MPRIP: variants seen among roughly 807,000 people sequenced by gnomAD.
MPRIP encodes the protein myosin phosphatase Rho interacting protein.
MPRIP carries 59 observed loss-of-function variants against 234.9 expected under a neutral mutation model. The ratio of observed to expected loss-of-function variants is 0.25; its 90% confidence interval spans 0.20 to 0.31. The LOEUF (loss-of-function observed/expected upper bound fraction) is 0.31. MPRIP is among the 10% of genes least tolerant of loss of function. MPRIP has a pLI of 1.00. For missense variants in MPRIP, 2,436 were observed against 3,071.0 expected (o/e 0.79, Z 4.89); for synonymous variants, 1,144 against 1,263.9 (o/e 0.91, Z 2.01).
intron 4 of MPRIP, 87 bp downstream of exon 4, chr17:17,126,940 G>T: frequency 1.3e-6 from 2 of 1,494,946 alleles, no homozygotes; most frequent in Non-Finnish European, 1.8e-6. Flanking sequence ...TGGCAGTGTC[G>T]ATGTTGTCTA....
At chr17:17,093,872 A>G (rs1458785186) in intron 3 of MPRIP, among the ~76,000 whole-genome samples, 1 of 152,210 alleles carries the variant, frequency 6.6e-6, no homozygotes, top group African/African-American at 2.4e-5. Context: ...TACACCACAG[A>G]TAGGATTTAG....
chr17:17,179,065 C>A (rs915468156), intron 22 of MPRIP, among the ~76,000 whole-genome samples: 5 of 152,256 alleles, frequency 3.3e-5, no homozygotes, highest in African/African-American at 7.2e-5. Context: ...CCTGTAATCC[C>A]AGCACTTTGG....
At chr17:17,087,145 C>G (rs2089609195) in intron 3 of MPRIP, among the ~76,000 whole-genome samples, 1 of 152,190 alleles carries the variant, frequency 6.6e-6, no homozygotes, top group South Asian at 2.1e-4. Context: ...GGACCAAAAA[C>G]AGCCAACTCC....
intron 22 of MPRIP, 53 bp from the exon 23 acceptor site, chr17:17,179,950 G>C: frequency 7.0e-7 from 1 of 1,423,584 alleles, no homozygotes; most frequent in East Asian, 2.3e-5. Context: ...TGGTTCCAGA[G>C]GGTTTTAGAA....
At position 17,167,456 on chromosome 17, in the gene MPRIP, G is replaced by A. The variant is rs1430693285; in HGVS notation, c.5865G>A (p.Val1955=). The A allele has an allele frequency of 1.5e-5, 19 of 1,304,208 alleles. No homozygotes were observed. The highest frequency in any genetic ancestry group is 1.9e-5 in the Non-Finnish European group (19 of 988,960). 80.8% of individuals were successfully genotyped at this position (1,304,208 alleles called of 1,614,324 possible). A position where few individuals can be genotyped will look rare whatever the true frequency, so the allele number is the denominator to read the frequency against. ...GGTATGAGGAGGAGATTCGGTGTGTGGTGGAGCAGCTGACCAGGACCGAGA... is the reference window on the plus strand; with the variant it reads ...GGTATGAGGAGGAGATTCGGTGTGTAGTGGAGCAGCTGACCAGGACCGAGA... ...RGRYEEEIRC[V]VEQLTRTEST... is the part of the protein sequence containing the mutation. Residue 1955 remains valine, a synonymous_variant, in exon 16 of 24, where the codon GTG becomes GTA. Transcript: ENST00000651222. This position sits in a 1 kb window ranked among gnomAD's most constrained non-coding sequence, Gnocchi z 5.9.
intron 12 of MPRIP, among the ~76,000 whole-genome samples, chr17:17,151,154 A>G (rs1268267534): frequency 6.6e-6 from 1 of 152,090 alleles, no homozygotes; most frequent in African/African-American, 2.4e-5. Flanking sequence ...TATAGGCATG[A>G]ATCACTGTGC....
intron 3 of MPRIP, among the ~76,000 whole-genome samples, chr17:17,088,797 A>G (rs1489384248): frequency 1.3e-5 from 2 of 151,158 alleles, no homozygotes; most frequent in African/African-American, 4.8e-5. Context: ...GCAATGTAGT[A>G]TGTTAGTGTC....
chr17:17,139,146 A>G (rs1429901033), intron 7 of MPRIP, among the ~76,000 whole-genome samples: 1 of 152,224 alleles, frequency 6.6e-6, no homozygotes, highest in Non-Finnish European at 1.5e-5. Context: ...ATGAGGGCCC[A>G]TGCCCTGCCC....
At chr17:17,150,269 A>G in intron 12 of MPRIP, 36 bp downstream of exon 12, 1 of 1,509,574 alleles carries the variant, frequency 6.6e-7, no homozygotes, top group East Asian at 2.3e-5. Flanking sequence ...CACAGGCTTG[A>G]CAGGCAGGGA....
Position 17,165,482 on chromosome 17 carries a change from G to A in MPRIP, c.3891G>A (p.Val1297=), listed in dbSNP as rs1364882537. 95 of 1,304,222 alleles carry A rather than the reference G, an allele frequency of 7.3e-5. No homozygotes were observed. The highest frequency in any genetic ancestry group is 9.5e-5 in the Non-Finnish European group (94 of 988,984). The allele number at this position is 1,304,222 out of a possible 1,614,324, so 80.8% of individuals were successfully genotyped here. Residue 1297 remains valine (V), a synonymous_variant, in exon 16 of 24, where the codon GTG becomes GTA. Transcript: ENST00000651222. Reference sequence around the variant, plus strand: ...TGGTGCCCCCAAAGTCAGTGGAAGTGCTTGACAGGGAGGGCCATCAGCAGG... The same window carrying A: ...TGGTGCCCCCAAAGTCAGTGGAAGTACTTGACAGGGAGGGCCATCAGCAGG... The part of the protein sequence containing the change: ...DSMVPPKSVE[V]LDREGHQQGT...
intron 17 of MPRIP, 51 bp from the exon 18 acceptor site, chr17:17,172,647 C>A: frequency 6.8e-7 from 1 of 1,480,018 alleles, no homozygotes; most frequent in Non-Finnish European, 9.4e-7. Flanking sequence ...CCACCCCTGT[C>A]AGCAGGAAGG....
At chr17:17,102,138 TC>T (rs2089975116) in intron 3 of MPRIP, among the ~76,000 whole-genome samples, 1 of 152,110 alleles carries the variant, frequency 6.6e-6, no homozygotes, top group Admixed American at 6.5e-5. Context: ...TCCTCCTGCC[TC>T]GGCCTCCCAA....
At chr17:17,084,375 C>T (rs1291142503) in intron 3 of MPRIP, among the ~76,000 whole-genome samples, 1 of 152,234 alleles carries the variant, frequency 6.6e-6, no homozygotes, top group Non-Finnish European at 1.5e-5. Context: ...TGCCTTTTCG[C>T]TCATCACAGA....
At chr17:17,152,163 C>T (rs1248060561) in intron 12 of MPRIP, among the ~76,000 whole-genome samples, 1 of 152,278 alleles carries the variant, frequency 6.6e-6, no homozygotes, top group African/African-American at 2.4e-5. Context: ...TTGGAGGCTA[C>T]ACTGACAGCC....
At chr17:17,113,880 C>CTT (rs1236846171) in intron 3 of MPRIP, among the ~76,000 whole-genome samples, 1,835 of 92,826 alleles carry the variant, frequency 0.02, 113 homozygotes, top group African/African-American at 0.079. Flanking sequence ...CTTTTCTTTT[C>CTT]TTTTCTTTTT....
intron 10 of MPRIP, 131 bp from the exon 11 acceptor site, chr17:17,147,188 G>A (rs892653934): frequency 1.2e-5 from 10 of 825,296 alleles, no homozygotes; most frequent in Middle Eastern, 2.3e-4. Flanking sequence ...TCAAGGGAGG[G>A]GCCAGCCTGT....
At chr17:17,052,056 G>T (rs1311173974) in intron 1 of MPRIP, among the ~76,000 whole-genome samples, 1 of 152,266 alleles carries the variant, frequency 6.6e-6, no homozygotes, top group Non-Finnish European at 1.5e-5. Flanking sequence ...GGCCAGCAGG[G>T]CTGGTGGCAG....
At chr17:17,069,613 C>T (rs965243201) in intron 1 of MPRIP, among the ~76,000 whole-genome samples, 5 of 150,264 alleles carry the variant, frequency 3.3e-5, no homozygotes, top group African/African-American at 9.8e-5. Context: ...TATAATAAGA[C>T]GTGACTTTAT....
intron 5 of MPRIP, among the ~76,000 whole-genome samples, chr17:17,134,537 G>A (rs1396418651): frequency 6.6e-6 from 1 of 152,234 alleles, no homozygotes; most frequent in African/African-American, 2.4e-5. Context: ...CTGGGAGTCT[G>A]TCTGCTGGCA....
Sources: allele counts gnomAD v4.1 joint callset (sites outside exome capture counted in the v4.1 genomes callset), GRCh38; gene constraint gnomAD v4.1.1; non-coding constraint Gnocchi (gnomAD v3.1); transcripts MANE v1.5; gene names NCBI Gene and HGNC (gene_info 2026-07-23, HGNC 2026-07-21).